ANXA8: variants seen among roughly 807,000 people sequenced by gnomAD.
The protein encoded by ANXA8 is VAC-beta.
A neutral mutation model predicts 26.8 loss-of-function variants in ANXA8; 9 were observed. The observed-to-expected ratio is 0.34, with a 90% CI of 0.20 to 0.59. The LOEUF (loss-of-function observed/expected upper bound fraction) is 0.59. Among genes scored for constraint, ANXA8 ranks in the 20% least tolerant of loss-of-function variants. The pLI, the probability that ANXA8 is intolerant of heterozygous loss-of-function variation, is 0.84. For synonymous variants in ANXA8, 39 were observed against 94.8 expected (o/e 0.41, Z 3.42); for missense variants, 83 against 238.5 (o/e 0.35, Z 4.29).
the ANXA8 span, among the ~76,000 whole-genome samples, chr10:47,973,877 G>A: frequency 6.6e-6 from 1 of 151,158 alleles, no homozygotes; most frequent in Non-Finnish European, 1.5e-5. Context: ...GAATTTAGCT[G>A]TGAATCCATC....
At chr10:47,681,334 A>C in the ANXA8 span, among the ~76,000 whole-genome samples, 1 of 151,326 alleles carries the variant, frequency 6.6e-6, no homozygotes, top group East Asian at 1.9e-4. Context: ...TCACAAAGGA[A>C]TGTCAAGGCG....
chr10:47,896,632 TGAGTAG>T, the ANXA8 span, among the ~76,000 whole-genome samples: 1 of 151,234 alleles, frequency 6.6e-6, no homozygotes, highest in Non-Finnish European at 1.5e-5. Flanking sequence ...AGCGGGCACT[TGAGTAG>T]GAGTGTGAAG....
chr10:47,969,685 T>C, the ANXA8 span, among the ~76,000 whole-genome samples: 1 of 148,048 alleles, frequency 6.8e-6, no homozygotes, highest in African/African-American at 2.5e-5. Context: ...GGGCTTAGCC[T>C]GTCTAATATT....
chr10:47,959,517 T>A, the ANXA8 span, among the ~76,000 whole-genome samples: 1 of 148,528 alleles, frequency 6.7e-6, no homozygotes, highest in Non-Finnish European at 1.5e-5. Flanking sequence ...GTTAGGAAAC[T>A]GAGTGCTGGG....
the ANXA8 span, among the ~76,000 whole-genome samples, chr10:47,749,283 C>A: frequency 7.3e-6 from 1 of 136,134 alleles, no homozygotes; most frequent in Non-Finnish European, 1.6e-5. Flanking sequence ...AATTTGCTGC[C>A]AGCAGATGTG....
chr10:47,640,826 G>C, the ANXA8 span, among the ~76,000 whole-genome samples: 2 of 132,182 alleles, frequency 1.5e-5, no homozygotes, highest in Admixed American at 1.5e-4. Flanking sequence ...GCTAACTTTG[G>C]CATGATGAGC....
At chr10:47,727,062 A>G in the ANXA8 span, 1 of 867,958 alleles carries the variant, frequency 1.2e-6, no homozygotes, top group African/African-American at 1.7e-5. Context: ...TTCTGTCCAT[A>G]TGAAAACAGA....
the ANXA8 span, among the ~76,000 whole-genome samples, chr10:47,898,962 T>A: frequency 6.7e-6 from 1 of 149,796 alleles, no homozygotes. Context: ...GCCTCCCGAG[T>A]AGCTGGGATT....
chr10:47,733,205 CTT>C, the ANXA8 span, among the ~76,000 whole-genome samples: 186 of 78,604 alleles, frequency 2.4e-3, 1 homozygote, highest in African/African-American at 6.3e-3. Flanking sequence ...TTCTTTCTTT[CTT>C]TCTTTCTTTC....
chr10:47,666,383 C>T, the ANXA8 span, among the ~76,000 whole-genome samples: 4 of 150,830 alleles, frequency 2.7e-5, no homozygotes, highest in African/African-American at 7.4e-5. Context: ...TGACAGCCAG[C>T]GTTGCTATAA....
the ANXA8 span, among the ~76,000 whole-genome samples, chr10:47,580,658 G>A: frequency 8.0e-5 from 12 of 149,866 alleles, no homozygotes; most frequent in Non-Finnish European, 1.5e-5. Context: ...CAGGAGGATG[G>A]CTTCAGCTTG....
the ANXA8 span, among the ~76,000 whole-genome samples, chr10:47,981,221 C>T: frequency 6.6e-6 from 1 of 151,200 alleles, no homozygotes; most frequent in South Asian, 2.1e-4. Flanking sequence ...TCAATAGATG[C>T]AGAAAAAACA....
At chr10:47,585,573 C>A in the ANXA8 span, among the ~76,000 whole-genome samples, 2 of 144,912 alleles carry the variant, frequency 1.4e-5, no homozygotes, top group Non-Finnish European at 3.0e-5. Flanking sequence ...GAAGGCAGCA[C>A]CTGCTGAGGG....
chr10:47,561,964 G>C, the ANXA8 span, among the ~76,000 whole-genome samples: 4 of 151,154 alleles, frequency 2.6e-5, no homozygotes, highest in African/African-American at 4.9e-5. Context: ...TGAGATGGGG[G>C]AGTCAGCTAT....
At chr10:47,733,233 C>CTTTCTTTCTCTCTTTCTT in the ANXA8 span, among the ~76,000 whole-genome samples, 1 of 59,720 alleles carries the variant, frequency 1.7e-5, no homozygotes, top group Admixed American at 2.0e-4. Context: ...CTTTCTTTCT[C>CTTTCTTTCTCTCTTTCTT]TCTTTCTTTC....
chr10:47,762,396 G>A, the ANXA8 span, among the ~76,000 whole-genome samples: 1 of 123,052 alleles, frequency 8.1e-6, no homozygotes, highest in African/African-American at 3.1e-5. Flanking sequence ...GGGCATTCAG[G>A]TCTCAGGGAT....
At chr10:47,940,447 C>A in the ANXA8 span, among the ~76,000 whole-genome samples, 1 of 147,502 alleles carries the variant, frequency 6.8e-6, no homozygotes, top group South Asian at 2.1e-4. Flanking sequence ...AGGGCTCCAG[C>A]AACAGCATGA....
At chr10:47,478,291 G>A (rs1839668205) in intron 3 of ANXA8, 1 of 785,958 alleles carries the variant, frequency 1.3e-6, no homozygotes, top group East Asian at 3.1e-5. Flanking sequence ...AGGAAGCAAG[G>A]AAGGCCAGCC....
At chr10:47,693,355 T>A in the ANXA8 span, among the ~76,000 whole-genome samples, 2 of 150,962 alleles carry the variant, frequency 1.3e-5, no homozygotes, top group Non-Finnish European at 2.9e-5. Context: ...AGTGGCGCGA[T>A]GTCTGCTCAC....
Sources: allele counts gnomAD v4.1 joint callset (sites outside exome capture counted in the v4.1 genomes callset), GRCh38; gene constraint gnomAD v4.1.1; transcripts MANE v1.5; gene names NCBI Gene and HGNC (gene_info 2026-07-23, HGNC 2026-07-21).